DOCK3: variants seen among roughly 807,000 people sequenced by gnomAD.
DOCK3 encodes dedicator of cytokinesis 3.
In DOCK3, 60 loss-of-function variants were observed where a neutral mutation model predicts 265.6. The observed-to-expected ratio is 0.23, with a 90% CI of 0.18 to 0.28. The LOEUF is 0.28. Ranked by LOEUF, DOCK3 falls within the 10% of genes least tolerant of loss-of-function variation. DOCK3 has a pLI of 1.00. For synonymous variants in DOCK3, 881 were observed against 938.0 expected (o/e 0.94, Z 1.11); for missense variants, 1,981 against 2,594.3 (o/e 0.76, Z 5.14).
At chr3:51,315,707 G>C (rs547354550) in intron 32 of DOCK3, among the ~76,000 whole-genome samples, 60 of 152,300 alleles carry the variant, frequency 3.9e-4, no homozygotes, top group African/African-American at 1.2e-3. Context: ...AGGGGCTAAT[G>C]ATGAGGAAGC....
chr3:50,772,411 A>G (rs892778410), intron 1 of DOCK3, among the ~76,000 whole-genome samples: 3 of 152,226 alleles, frequency 2.0e-5, no homozygotes, highest in Non-Finnish European at 2.9e-5. Flanking sequence ...GACTATGGTC[A>G]GTAACTTAAT....
At chr3:50,985,907 C>G (rs565165182) in intron 5 of DOCK3, among the ~76,000 whole-genome samples, 1 of 151,984 alleles carries the variant, frequency 6.6e-6, no homozygotes, top group Non-Finnish European at 1.5e-5. Flanking sequence ...TGACCCTCTT[C>G]TAAGATTTTT....
intron 5 of DOCK3, among the ~76,000 whole-genome samples, chr3:51,009,923 C>T (rs909046538): frequency 3.3e-5 from 5 of 152,098 alleles, no homozygotes; most frequent in African/African-American, 9.7e-5. Flanking sequence ...TGTAGTTGAG[C>T]AGTTTTGAGT....
At chr3:51,214,844 G>A (rs2089696866) in intron 14 of DOCK3, among the ~76,000 whole-genome samples, 1 of 152,178 alleles carries the variant, frequency 6.6e-6, no homozygotes, top group African/African-American at 2.4e-5. Context: ...GGAATGCATT[G>A]ACCCTCAACT....
At chr3:51,020,384 G>T (rs2079532828) in intron 5 of DOCK3, among the ~76,000 whole-genome samples, 1 of 151,752 alleles carries the variant, frequency 6.6e-6, no homozygotes, top group Non-Finnish European at 1.5e-5. Flanking sequence ...TTATCAGATG[G>T]ATAGATTGCA....
intron 7 of DOCK3, among the ~76,000 whole-genome samples, chr3:51,087,732 C>A (rs1417578545): frequency 3.3e-5 from 5 of 151,886 alleles, no homozygotes; most frequent in African/African-American, 7.3e-5. Context: ...TATAGAAAAA[C>A]CTAAAGACTA....
chr3:50,862,825 T>C (rs953544849), intron 3 of DOCK3, among the ~76,000 whole-genome samples: 3 of 152,080 alleles, frequency 2.0e-5, no homozygotes, highest in African/African-American at 7.2e-5. Context: ...CTTCCTTTCA[T>C]GTAGGCCCAA....
chr3:50,869,020 G>A lies in DOCK3; in HGVS notation c.163-21006G>A, dbSNP rs191787144. Reference sequence around the variant, plus strand: ...GGTGGAGTCTCGCTCTGTCGCCCAGGCTGGAGTGCAGTGGCTTGATCTCGG... The same window carrying A: ...GGTGGAGTCTCGCTCTGTCGCCCAGACTGGAGTGCAGTGGCTTGATCTCGG... On this transcript the variant is annotated intron_variant, in intron 3 of 52. Coordinates refer to ENST00000266037, the MANE Select transcript of DOCK3 (RefSeq NM_004947.5). Among the ~76,000 whole-genome samples the A allele has an allele frequency of 1.4e-3, 211 of 145,584 alleles. 1 individual carries two copies. The highest frequency in any genetic ancestry group is 3.5e-3 in the South Asian group (16 of 4,572).
At chr3:50,892,122 G>A (rs1183147140) in intron 4 of DOCK3, among the ~76,000 whole-genome samples, 1 of 152,094 alleles carries the variant, frequency 6.6e-6, no homozygotes, top group Non-Finnish European at 1.5e-5. Context: ...TGCAGGCACT[G>A]GAGAACAATT....
chr3:50,686,989 C>A (rs1046122333), intron 1 of DOCK3, among the ~76,000 whole-genome samples: 2 of 148,878 alleles, frequency 1.3e-5, no homozygotes, highest in Admixed American at 6.8e-5. Flanking sequence ...GTGGGAGGAT[C>A]ACTTGAGGTT....
intron 5 of DOCK3, among the ~76,000 whole-genome samples, chr3:51,032,455 T>C (rs934192484): frequency 2.6e-5 from 4 of 152,218 alleles, no homozygotes; most frequent in African/African-American, 9.6e-5. Flanking sequence ...TATTCTTGTT[T>C]TGAAGTTTAT....
intron 23 of DOCK3, 139 bp from the exon 24 acceptor site, chr3:51,270,676 T>C: frequency 1.2e-6 from 1 of 807,890 alleles, no homozygotes; most frequent in Non-Finnish European, 1.9e-6. Context: ...CTGTAGTCAG[T>C]GGCCAGGGAG....
chr3:50,936,083 AC>A lies in DOCK3; in HGVS notation c.315+2007del, dbSNP rs1266653681. ...ACTCTTGAAACAAACAAAAACATAG[AC>A]GACCTTAGGAACAAAGTAGAAACTA... On this transcript the variant is annotated intron_variant, in intron 5 of 52. Coordinates refer to ENST00000266037, the MANE Select transcript of DOCK3 (RefSeq NM_004947.5). 2.0e-5 allele frequency among the ~76,000 whole-genome samples: 3 copies of A among 152,290 alleles called. No individual in the cohort carries two copies. In the East Asian group the frequency reaches 5.8e-4, roughly 29 times the overall value.
At chr3:51,046,220 A>G (rs1224189344) in intron 5 of DOCK3, among the ~76,000 whole-genome samples, 1 of 152,218 alleles carries the variant, frequency 6.6e-6, no homozygotes, top group Non-Finnish European at 1.5e-5. Context: ...ACAAACTGTT[A>G]ATAGTAAGTC....
Position 51,365,372 on chromosome 3 carries a change from T to G in DOCK3, c.5293+2698T>G, listed in dbSNP as rs537248394. ...ACTTTGCTGAAGTTGCTTATTAGCT[T>G]AAGGAGCTTTTGGGCTGAGACAGTG... is the stretch of plus-strand genomic sequence containing the variant. On this transcript the variant is annotated intron_variant, in intron 49 of 52. Coordinates refer to ENST00000266037, the MANE Select transcript of DOCK3 (RefSeq NM_004947.5). Among the ~76,000 whole-genome samples, 9 of 152,356 alleles carry G rather than the reference T, an allele frequency of 5.9e-5. No individual in the cohort carries two copies. The East Asian group carries it at 1.5e-3, about 26-fold the overall frequency.
chr3:50,869,368 TTTTTTTTTTTTTTTTTTTTTTTG>T lies in DOCK3; in HGVS notation c.163-20657_163-20635del, dbSNP rs2047325635. ...TTTTTTTTTTTTTTTTTTTTTTTTT[TTTTTTTTTTTTTTTTTTTTTTTG>T]GAGATAGGGTCTCAGTGTCACTCAG... On this transcript the variant is annotated intron_variant, in intron 3 of 52. Transcript: ENST00000266037. 9.6e-5 allele frequency among the ~76,000 whole-genome samples: 5 copies of T among 51,892 alleles called. 1 individual carries two copies. The highest frequency in any genetic ancestry group is 3.8e-4 in the African/African-American group (5 of 13,088). The allele number at this position is 51,892 out of a possible 152,430, so 34.0% of individuals were successfully genotyped here. A position where few individuals can be genotyped will look rare whatever the true frequency, so the allele number is the denominator to read the frequency against.
intron 22 of DOCK3, among the ~76,000 whole-genome samples, chr3:51,251,681 G>A (rs962770648): frequency 6.6e-6 from 1 of 152,292 alleles, no homozygotes; most frequent in African/African-American, 2.4e-5. Context: ...TTTGAGAAGT[G>A]TCTGTTCATA....
rs1483119953 is a variant in DOCK3, at chr3:50,948,249, G to A, written c.315+14172G>A. ...TTTTTGTATTTTTAGTAGAGACGGG[G>A]TTTCACTGTGTTAGCCAGGATGGTC... is the stretch of plus-strand genomic sequence containing the variant. On this transcript the variant is annotated intron_variant, in intron 5 of 52. Coordinates refer to ENST00000266037, the MANE Select transcript of DOCK3 (RefSeq NM_004947.5). Among the ~76,000 whole-genome samples the A allele has an allele frequency of 2.6e-5, 4 of 151,212 alleles. No individual in the cohort carries two copies. In the East Asian group the frequency reaches 7.8e-4, roughly 29 times the overall value.
intron 5 of DOCK3, among the ~76,000 whole-genome samples, chr3:51,048,996 C>T (rs995407364): frequency 6.6e-6 from 1 of 152,134 alleles, no homozygotes; most frequent in Non-Finnish European, 1.5e-5. Context: ...CAGTAGCAGG[C>T]TTTCGGTCTC....
Sources: allele counts gnomAD v4.1 joint callset (sites outside exome capture counted in the v4.1 genomes callset), GRCh38; gene constraint gnomAD v4.1.1; transcripts MANE v1.5; gene names NCBI Gene and HGNC (gene_info 2026-07-23, HGNC 2026-07-21).